RSRC1: variants seen among roughly 807,000 people sequenced by gnomAD.
The protein encoded by RSRC1 is serine/Arginine-related protein 53.
Under a neutral mutation model 49.1 loss-of-function variants are expected in RSRC1, and 39 were observed. The observed-to-expected ratio is 0.79, with a 90% CI of 0.61 to 1.04. The LOEUF (loss-of-function observed/expected upper bound fraction) is 1.04. Among genes scored for constraint, RSRC1 ranks in the 50% least tolerant of loss-of-function variants. The pLI, the probability that RSRC1 is intolerant of heterozygous loss-of-function variation, is 0.00. For synonymous variants in RSRC1, 143 were observed against 130.8 expected (o/e 1.09, Z -0.63); for missense variants, 388 against 402.4 (o/e 0.96, Z 0.31).
Position 158,211,556 on chromosome 3 carries a change from T to C in RSRC1, c.494+8311T>C, listed in dbSNP as rs369871322. Among the ~76,000 whole-genome samples the C allele has an allele frequency of 7.9e-5, 12 of 152,060 alleles. No homozygotes were observed. In the East Asian group the frequency reaches 2.1e-3, roughly 27 times the overall value. Reference sequence around the variant, plus strand: ...TTTGCCTGTTTATAGAAAAGAATTATTTGCATTGCTATCAATTATCTATAA... The same window carrying C: ...TTTGCCTGTTTATAGAAAAGAATTACTTGCATTGCTATCAATTATCTATAA... On this transcript the variant is annotated intron_variant, in intron 4 of 9. Transcript: ENST00000611884.
chr3:158,233,764 C>G (rs996133905), intron 4 of RSRC1, among the ~76,000 whole-genome samples: 20 of 152,014 alleles, frequency 1.3e-4, no homozygotes, highest in African/African-American at 3.6e-4. Context: ...GACATAATTC[C>G]CCAACATCAC....
At chr3:158,206,138 C>T (rs1057083329) in intron 4 of RSRC1, among the ~76,000 whole-genome samples, 3 of 152,168 alleles carry the variant, frequency 2.0e-5, no homozygotes, top group Admixed American at 6.5e-5. Context: ...GTGCACTTAC[C>T]GCTAATAATG....
chr3:158,292,309 A>G (rs556859225), intron 4 of RSRC1, among the ~76,000 whole-genome samples: 11 of 152,322 alleles, frequency 7.2e-5, no homozygotes, highest in South Asian at 2.1e-4. Flanking sequence ...CAGAACATCA[A>G]TCATGGCAAG....
chr3:158,402,147 A>T (rs1733925171), intron 6 of RSRC1, among the ~76,000 whole-genome samples: 1 of 151,942 alleles, frequency 6.6e-6, no homozygotes, highest in Non-Finnish European at 1.5e-5. Flanking sequence ...AATTATAGCT[A>T]GAGTTTAATT....
intron 4 of RSRC1, among the ~76,000 whole-genome samples, chr3:158,274,274 A>G (rs1416084007): frequency 1.3e-5 from 2 of 152,140 alleles, no homozygotes; most frequent in Non-Finnish European, 2.9e-5. Context: ...AAAACTGATT[A>G]TTCAACATTA....
intron 3 of RSRC1, among the ~76,000 whole-genome samples, chr3:158,202,241 C>T (rs1721087607): frequency 1.3e-5 from 2 of 152,112 alleles, no homozygotes; most frequent in East Asian, 3.9e-4. Context: ...TCTCGGACCC[C>T]TGACCTCAAG....
chr3:158,283,488 T>G (rs563594577), intron 4 of RSRC1, among the ~76,000 whole-genome samples: 2 of 152,122 alleles, frequency 1.3e-5, no homozygotes, highest in South Asian at 4.1e-4. Flanking sequence ...CTTACCCTCT[T>G]ACATTTTGTA....
intron 4 of RSRC1, among the ~76,000 whole-genome samples, chr3:158,261,031 A>G (rs1008384318): frequency 5.3e-5 from 8 of 152,146 alleles, no homozygotes; most frequent in Non-Finnish European, 1.2e-4. Context: ...GGGTACTGTT[A>G]TATTGCTTAC....
intron 7 of RSRC1, among the ~76,000 whole-genome samples, chr3:158,491,810 G>T (rs987768358): frequency 1.1e-4 from 17 of 152,230 alleles, no homozygotes; most frequent in Admixed American, 9.2e-4. Flanking sequence ...CTATGGGTTG[G>T]AACATTCTGA....
chr3:158,223,175 T>C (rs531082963), intron 4 of RSRC1, among the ~76,000 whole-genome samples: 1 of 151,632 alleles, frequency 6.6e-6, no homozygotes, highest in Non-Finnish European at 1.5e-5. Context: ...GCCCTTCGTC[T>C]TCCTCTTTCT....
chr3:158,370,038 ATT>A (rs945016501), intron 6 of RSRC1, among the ~76,000 whole-genome samples: 30 of 152,026 alleles, frequency 2.0e-4, no homozygotes, highest in African/African-American at 6.5e-4. Flanking sequence ...ATAATTTAGA[ATT>A]TTTTAAAAGC....
intron 1 of RSRC1, among the ~76,000 whole-genome samples, chr3:158,121,677 G>A (rs1715271222): frequency 6.6e-6 from 1 of 152,118 alleles, no homozygotes; most frequent in African/African-American, 2.4e-5. Flanking sequence ...GAGAATAAAG[G>A]AATAGTTGGT....
chr3:158,184,888 T>C (rs1055412907), intron 3 of RSRC1, among the ~76,000 whole-genome samples: 1 of 152,068 alleles, frequency 6.6e-6, no homozygotes, highest in African/African-American at 2.4e-5. Flanking sequence ...AGGCAAATTT[T>C]ATATGAAAAA....
At chr3:158,445,504 T>C (rs913579382) in intron 6 of RSRC1, among the ~76,000 whole-genome samples, 1 of 151,546 alleles carries the variant, frequency 6.6e-6, no homozygotes, top group African/African-American at 2.4e-5. Flanking sequence ...GGGCATGTCG[T>C]GGGGTGGGGG....
At chr3:158,490,144 G>A (rs917746810) in intron 7 of RSRC1, among the ~76,000 whole-genome samples, 7 of 152,142 alleles carry the variant, frequency 4.6e-5, no homozygotes, top group Non-Finnish European at 8.8e-5. Context: ...GAGTGCAGTG[G>A]TGCCATCTCA....
intron 7 of RSRC1, among the ~76,000 whole-genome samples, chr3:158,513,174 G>C (rs1326090801): frequency 6.7e-6 from 1 of 149,754 alleles, no homozygotes; most frequent in Admixed American, 6.7e-5. Context: ...TGGTGAGAGA[G>C]GGCATCCCTG....
chr3:158,259,689 A>G (rs1385586268), intron 4 of RSRC1, among the ~76,000 whole-genome samples: 3 of 152,180 alleles, frequency 2.0e-5, no homozygotes, highest in African/African-American at 7.2e-5. Context: ...AGCCCCAGGC[A>G]GGTCCAGAGA....
chr3:158,168,384 A>C (rs1718662276), intron 3 of RSRC1, among the ~76,000 whole-genome samples: 1 of 152,198 alleles, frequency 6.6e-6, no homozygotes, highest in African/African-American at 2.4e-5. Context: ...TTGTTGTTTT[A>C]AGCTTTAAAG....
intron 6 of RSRC1, among the ~76,000 whole-genome samples, chr3:158,357,854 T>C (rs1731242059): frequency 6.6e-6 from 1 of 152,176 alleles, no homozygotes; most frequent in Non-Finnish European, 1.5e-5. Context: ...TGCTAGATTC[T>C]TGACGCAGGA....
Sources: gnomAD v4.1 joint callset for allele counts (sites outside exome capture counted in the v4.1 genomes callset) on GRCh38, gnomAD v4.1.1 for gene constraint, MANE v1.5 for transcripts, NCBI Gene and HGNC (gene_info 2026-07-23, HGNC 2026-07-21) for gene names.